The following CFAP276 variants were observed in gnomAD, a reference collection of about 807,000 sequenced individuals.
The protein encoded by CFAP276 is cilia- and flagella-associated protein 276.
the CFAP276 span, chr1:109,106,459 A>C: frequency 1.9e-6 from 3 of 1,542,472 alleles, no homozygotes; most frequent in Admixed American, 3.7e-5. Context: ...CAATCACCTT[A>C]AATCCCTGAT....
chr1:109,108,989 C>T, the CFAP276 span, among the ~76,000 whole-genome samples: 1 of 152,190 alleles, frequency 6.6e-6, no homozygotes, highest in African/African-American at 2.4e-5. Context: ...TAAAACTCCA[C>T]AGGCATGAAT....
chr1:109,112,464 C>T, the CFAP276 span: 1 of 1,287,552 alleles, frequency 7.8e-7, no homozygotes, highest in African/African-American at 1.5e-5. Context: ...GGGAGGCAGG[C>T]AGAAAACAGA....
the CFAP276 span, chr1:109,107,179 C>A: frequency 7.3e-7 from 1 of 1,374,012 alleles, no homozygotes; most frequent in South Asian, 1.2e-5. Context: ...CTGCTCTAGT[C>A]AGGTTCTATT....
At chr1:109,113,749 G>T in the CFAP276 span, 1 of 1,562,340 alleles carries the variant, frequency 6.4e-7, no homozygotes, top group South Asian at 1.1e-5. Flanking sequence ...TGGCCCGAAA[G>T]GGCAGTAGAA....
the CFAP276 span, among the ~76,000 whole-genome samples, chr1:109,108,289 T>A: frequency 2.6e-5 from 4 of 152,182 alleles, no homozygotes; most frequent in East Asian, 7.7e-4. Context: ...ATTACAGGCA[T>A]GTGCCACTAT....
the CFAP276 span, chr1:109,106,225 A>G: frequency 2.4e-6 from 2 of 849,774 alleles, no homozygotes; most frequent in East Asian, 5.0e-5. Context: ...GAAAACCGGC[A>G]TATGGAGGAC....
At chr1:109,106,463 C>T in the CFAP276 span, 1 of 1,552,610 alleles carries the variant, frequency 6.4e-7, no homozygotes, top group South Asian at 1.2e-5. Flanking sequence ...CACCTTAAAT[C>T]CCTGATTCAT....
chr1:109,108,883 A>C, the CFAP276 span, among the ~76,000 whole-genome samples: 1 of 152,190 alleles, frequency 6.6e-6, no homozygotes, highest in Non-Finnish European at 1.5e-5. Context: ...GGAGAATGCA[A>C]TGTCTAAGCA....
chr1:109,112,228 C>A, the CFAP276 span, among the ~76,000 whole-genome samples: 1 of 152,182 alleles, frequency 6.6e-6, no homozygotes, highest in African/African-American at 2.4e-5. Flanking sequence ...AAAGCATGAC[C>A]TCTGGTGGCT....
chr1:109,110,015 C>T, the CFAP276 span, among the ~76,000 whole-genome samples: 1 of 152,210 alleles, frequency 6.6e-6, no homozygotes, highest in Non-Finnish European at 1.5e-5. Flanking sequence ...ACCTCGTCAT[C>T]TCTGTCAGCA....
chr1:109,111,819 T>G, the CFAP276 span, among the ~76,000 whole-genome samples: 1 of 152,190 alleles, frequency 6.6e-6, no homozygotes, highest in Non-Finnish European at 1.5e-5. Context: ...AAGCTTTCCT[T>G]TAAGTTCCTG....
At chr1:109,113,385 C>A in the CFAP276 span, among the ~76,000 whole-genome samples, 1 of 106,812 alleles carries the variant, frequency 9.4e-6, no homozygotes, top group African/African-American at 4.0e-5. Context: ...AGAGTGAGAC[C>A]CTGTCTCAGA....
At chr1:109,109,510 G>A in the CFAP276 span, among the ~76,000 whole-genome samples, 1 of 148,476 alleles carries the variant, frequency 6.7e-6, no homozygotes, top group Non-Finnish European at 1.5e-5. Context: ...CCACAATATG[G>A]CAAAGTGCTA....
chr1:109,111,718 C>A, the CFAP276 span, among the ~76,000 whole-genome samples: 2 of 152,200 alleles, frequency 1.3e-5, no homozygotes. Context: ...ATATCTGGTT[C>A]CTGTTTCCTT....
chr1:109,107,282 C>G, the CFAP276 span, among the ~76,000 whole-genome samples: 3 of 152,170 alleles, frequency 2.0e-5, no homozygotes, highest in Non-Finnish European at 4.4e-5. Flanking sequence ...TATGATAACT[C>G]TTGTTGATAT....
the CFAP276 span, chr1:109,112,814 G>C: frequency 7.1e-7 from 1 of 1,401,550 alleles, no homozygotes. Context: ...AGCCATCTAT[G>C]ACAGAGGAAT....
At chr1:109,106,846 C>T in the CFAP276 span, 1 of 874,288 alleles carries the variant, frequency 1.1e-6, no homozygotes, top group African/African-American at 1.7e-5. Flanking sequence ...TCATCTTAGA[C>T]AGTGAAAATA....
the CFAP276 span, among the ~76,000 whole-genome samples, chr1:109,107,611 G>A: frequency 2.6e-5 from 4 of 152,084 alleles, no homozygotes; most frequent in African/African-American, 9.7e-5. Flanking sequence ...ATTAAGGGCT[G>A]GGTGCAGTGG....
the CFAP276 span, among the ~76,000 whole-genome samples, chr1:109,112,386 G>A: frequency 6.6e-6 from 1 of 152,170 alleles, no homozygotes; most frequent in Non-Finnish European, 1.5e-5. Flanking sequence ...TGTTCCTCTA[G>A]ACTAGAACTC....
Sources: gnomAD v4.1 joint callset for allele counts (sites outside exome capture counted in the v4.1 genomes callset) on GRCh38, gnomAD v4.1.1 for gene constraint, MANE v1.5 for transcripts, NCBI Gene and HGNC (gene_info 2026-07-23, HGNC 2026-07-21) for gene names.